The following HSD17B4 variants were observed in gnomAD, a reference collection of about 807,000 sequenced individuals.
HSD17B4 encodes the protein hydroxysteroid 17-beta dehydrogenase 4.
HSD17B4 carries 70 observed loss-of-function variants against 101.0 expected under a neutral mutation model. That is an observed-to-expected ratio of 0.69 (90% CI 0.57 to 0.85). The LOEUF (loss-of-function observed/expected upper bound fraction) is 0.85, where lower values mean the gene tolerates loss of function less well. Ranked by LOEUF, HSD17B4 falls within the 40% of genes least tolerant of loss-of-function variation. The pLI, the probability that HSD17B4 is intolerant of heterozygous loss-of-function variation, is 0.00. For synonymous variants in HSD17B4, 347 were observed against 297.1 expected, an observed-to-expected ratio of 1.17 and a Z score of -1.73; for missense variants, 984 against 892.4, an observed-to-expected ratio of 1.10 and a Z score of -1.31.
chr5:119,491,488 TC>T (rs1750102706), intron 9 of HSD17B4, among the ~76,000 whole-genome samples: 1 of 147,858 alleles, frequency 6.8e-6, no homozygotes, highest in African/African-American at 2.5e-5. Flanking sequence ...TTAGGATTTT[TC>T]TTGAATGACC....
Position 119,489,235 on chromosome 5 carries a change from C to G in HSD17B4, c.666C>G (p.Val222=), listed in dbSNP as rs150677536. The G allele has an allele frequency of 6.0e-4, 971 of 1,612,684 alleles. 7 individuals are homozygous for G. In the African/African-American group the frequency reaches 0.011, roughly 19 times the overall value. ...ALKPEYVAPL[V]LWLCHESCEE... is the part of the protein sequence containing the mutation. ...AGCCAGAGTATGTGGCACCTCTTGT[C>G]CTTTGGCTTTGTCACGAGAGTTGTG... is the stretch of plus-strand genomic sequence containing the variant. The change falls in exon 9 of 24, where the codon GTC becomes GTG. Residue 222 remains valine (V), a synonymous_variant. Coordinates refer to ENST00000510025, the MANE Select transcript of HSD17B4 (RefSeq NM_000414.4).
Position 119,514,995 on chromosome 5 carries a change from A to T in HSD17B4, c.1452A>T (p.Ile484=), listed in dbSNP as rs376158204. Residue 484 remains isoleucine, a synonymous_variant, in exon 17 of 24, where the codon ATA becomes ATT. Transcript: ENST00000510025. ...TSDKVKVAVA[I]PNRPPDAVLT... is the part of the protein sequence containing the mutation. Reference sequence around the variant, plus strand: ...CTTAATTTTAGGTAGCTGTAGCCATACCTAATAGACCTCCTGATGCTGTAC... The same window carrying T: ...CTTAATTTTAGGTAGCTGTAGCCATTCCTAATAGACCTCCTGATGCTGTAC... 6.4e-7 allele frequency: 1 copy of T among 1,566,318 alleles called. No homozygotes were observed. The highest frequency in any genetic ancestry group is 1.7e-5 in the Admixed American group (1 of 59,962).
In HSD17B4 at chr5:119,473,781, TAGGA is replaced by T. The variant is rs569977707; in HGVS notation, c.113-121_113-118del. The T allele has an allele frequency of 1.8e-3, 1,252 of 714,184 alleles. 15 individuals carry two copies. The African/African-American group carries it at 0.019, about 11-fold the overall frequency. The allele number at this position is 714,184 out of a possible 1,614,324, so 44.2% of individuals were successfully genotyped here. On this transcript the variant is annotated intron_variant, in intron 2 of 23. Transcript: ENST00000510025. Reference sequence around the variant, plus strand: ...TTGTGTTTAGTAAGATGGGATAGGGTAGGAAGGAACTGGGCAGATGACTGAAGAG... The same window carrying T: ...TTGTGTTTAGTAAGATGGGATAGGGTAGGAACTGGGCAGATGACTGAAGAG...
intron 8 of HSD17B4, among the ~76,000 whole-genome samples, chr5:119,483,767 AT>A (rs1749357726): frequency 6.6e-6 from 1 of 152,124 alleles, no homozygotes; most frequent in African/African-American, 2.4e-5. Context: ...CTTCTGCATT[AT>A]TTCAAAGTAA....
intron 14 of HSD17B4, among the ~76,000 whole-genome samples, chr5:119,503,112 G>GTGTA (rs752056161): frequency 1.3e-5 from 2 of 148,518 alleles, no homozygotes; most frequent in Non-Finnish European, 1.5e-5. Flanking sequence ...GTGTGTGTGT[G>GTGTA]TGTATGTGTG....
At chr5:119,487,052 A>G (rs1022967254) in intron 8 of HSD17B4, among the ~76,000 whole-genome samples, 9 of 152,218 alleles carry the variant, frequency 5.9e-5, no homozygotes, top group African/African-American at 1.4e-4. Flanking sequence ...ATTACCAGGA[A>G]GCATAGCCAA....
intron 13 of HSD17B4, among the ~76,000 whole-genome samples, 178 bp from the exon 14 acceptor site, chr5:119,501,863 T>A (rs1203837559): frequency 6.6e-6 from 1 of 152,030 alleles, no homozygotes; most frequent in Admixed American, 6.6e-5. Flanking sequence ...TGTCTTGAGA[T>A]TGGGGGATTG....
At chr5:119,455,465 C>T (rs756769105) in intron 1 of HSD17B4, among the ~76,000 whole-genome samples, 11 of 151,222 alleles carry the variant, frequency 7.3e-5, no homozygotes, top group South Asian at 2.1e-4. Context: ...TGCAGTGAGC[C>T]GAGATCATGC....
At chr5:119,525,050 T>C (rs1753453219) in intron 17 of HSD17B4, among the ~76,000 whole-genome samples, 166 bp from the exon 18 acceptor site, 1 of 152,154 alleles carries the variant, frequency 6.6e-6, no homozygotes, top group Non-Finnish European at 1.5e-5. Context: ...AAAAAACATT[T>C]CATTATAGGT....
intron 2 of HSD17B4, chr5:119,464,477 T>C (rs1252162327): frequency 6.6e-6 from 1 of 152,230 alleles, no homozygotes; most frequent in Non-Finnish European, 1.5e-5. Context: ...TTGGCACCTT[T>C]GTAGAAAATC....
chr5:119,512,119 CA>C (rs1225896708), intron 16 of HSD17B4, among the ~76,000 whole-genome samples: 3 of 151,630 alleles, frequency 2.0e-5, no homozygotes, highest in Admixed American at 2.0e-4. Flanking sequence ...AAGAAAGAAT[CA>C]AAAAAGCTTA....
At chr5:119,532,070 A>G (rs151219710) in intron 22 of HSD17B4, among the ~76,000 whole-genome samples, 77 of 152,296 alleles carry the variant, frequency 5.1e-4, no homozygotes, top group African/African-American at 1.7e-3. Flanking sequence ...TAAAGAAAAA[A>G]TATTCTGTCA....
intron 17 of HSD17B4, among the ~76,000 whole-genome samples, chr5:119,521,466 T>A (rs911756365): frequency 1.3e-5 from 2 of 152,150 alleles, no homozygotes; most frequent in African/African-American, 4.8e-5. Context: ...TAGTTCTCTT[T>A]CACTGTTTTG....
At position 119,502,780 on chromosome 5, in the gene HSD17B4, C is replaced by A. The variant is rs57596278; in HGVS notation, c.1261+688C>A. Among the ~76,000 whole-genome samples the A allele has an allele frequency of 9.5e-3, 1,451 of 152,092 alleles. 118 individuals carry two copies. In the East Asian group the frequency reaches 0.21, roughly 22 times the overall value. On this transcript the variant is annotated intron_variant, in intron 14 of 23. Transcript: ENST00000510025. Reference sequence around the variant, plus strand: ...ATCCTACTTGAATATTTTTCTTAAACCTTTTTATTTTTCTAAAAAATGTAT... The same window carrying A: ...ATCCTACTTGAATATTTTTCTTAAAACTTTTTATTTTTCTAAAAAATGTAT...
chr5:119,541,835 A>T (rs1755016391), intron 23 of HSD17B4, 70 bp from the exon 24 acceptor site: 7 of 217,992 alleles, frequency 3.2e-5, no homozygotes, highest in Non-Finnish European at 4.8e-5. Flanking sequence ...GAATAATCTT[A>T]AAAAAAAAAA....
chr5:119,478,858 A>G lies in HSD17B4; in HGVS notation c.459A>G (p.Ser153=), dbSNP rs749090911. 4.3e-6 allele frequency: 7 copies of G among 1,613,454 alleles called. No homozygotes were observed. Among genetic ancestry groups the G allele is most frequent in the Non-Finnish European group, 2.5e-6 (3 of 1,179,514 alleles). ...GGATTATTATGACTTCATCAGCTTC[A>G]GGAATATATGGCAACTTTGGCCAGG... ...YGRIIMTSSA[S]GIYGNFGQAN... is the part of the protein sequence containing the mutation. Residue 153 remains serine (S), a synonymous_variant, in exon 8 of 24, where the codon TCA becomes TCG. Coordinates refer to ENST00000510025, the MANE Select transcript of HSD17B4 (RefSeq NM_000414.4).
chr5:119,499,656 T>G, intron 13 of HSD17B4, 103 bp downstream of exon 13: 1 of 574,072 alleles, frequency 1.7e-6, no homozygotes, highest in Non-Finnish European at 3.0e-6. Flanking sequence ...TGTATATATA[T>G]TTATATAATT....
Position 119,478,833 on chromosome 5 carries a change from G to T in HSD17B4, c.435-1G>T. ...TATTGAGAGATTGATTTTCTTTTTA[G>T]GATTATTATGACTTCATCAGCTTCA... On this transcript the variant is annotated splice_acceptor_variant, in intron 7 of 23. Coordinates refer to ENST00000510025, the MANE Select transcript of HSD17B4 (RefSeq NM_000414.4). LOFTEE classifies it high-confidence loss of function. 1 of 1,611,210 alleles carries T rather than the reference G, an allele frequency of 6.2e-7. No individual in the cohort carries two copies.
chr5:119,524,254 A>G (rs1753374432), intron 17 of HSD17B4, among the ~76,000 whole-genome samples: 1 of 152,124 alleles, frequency 6.6e-6, no homozygotes, highest in Non-Finnish European at 1.5e-5. Context: ...TTGGAATTAT[A>G]CAAAGCATAT....
Sources: gnomAD v4.1 joint callset for allele counts (sites outside exome capture counted in the v4.1 genomes callset) on GRCh38, gnomAD v4.1.1 for gene constraint, MANE v1.5 for transcripts, NCBI Gene and HGNC (gene_info 2026-07-23, HGNC 2026-07-21) for gene names.